Variants in OCA2 observed in about 807,000 individuals in gnomAD.
OCA2 encodes the protein P protein.
OCA2 carries 77 observed loss-of-function variants against 100.2 expected under a neutral mutation model. That is an observed-to-expected ratio of 0.77 (90% CI 0.64 to 0.93). OCA2 has a LOEUF of 0.93. Ranked by LOEUF, OCA2 falls within the 40% of genes least tolerant of loss-of-function variation. The probability of loss-of-function intolerance (pLI) is 0.00; values close to 1 mark genes in which losing one functional copy is unlikely to be tolerated. For synonymous variants in OCA2, 432 were observed against 439.2 expected (o/e 0.98, Z 0.21); for missense variants, 1,062 against 1,089.1 (o/e 0.98, Z 0.35).
chr15:27,954,044 A>G (rs1567150190), intron 17 of OCA2, among the ~76,000 whole-genome samples: 1 of 151,756 alleles, frequency 6.6e-6, no homozygotes, highest in Non-Finnish European at 1.5e-5. Context: ...TTCACTGGTC[A>G]CCAAGTCCAT....
chr15:27,892,435 T>G (rs1369755457), intron 19 of OCA2, among the ~76,000 whole-genome samples: 1 of 152,130 alleles, frequency 6.6e-6, no homozygotes, highest in African/African-American at 2.4e-5. Flanking sequence ...TGCATGGAAA[T>G]TAACCAACAT....
chr15:27,877,451 T>C (rs946403138), intron 19 of OCA2, among the ~76,000 whole-genome samples: 1 of 151,972 alleles, frequency 6.6e-6, no homozygotes, highest in Non-Finnish European at 1.5e-5. Context: ...GATTGTGGAA[T>C]TGTCTATTTT....
chr15:27,981,580 G>C (rs1267898465), intron 14 of OCA2, among the ~76,000 whole-genome samples: 1 of 152,214 alleles, frequency 6.6e-6, no homozygotes, highest in Non-Finnish European at 1.5e-5. Context: ...ACTGAGGCAA[G>C]ACACTTGTGA....
intron 9 of OCA2, among the ~76,000 whole-genome samples, chr15:28,013,672 G>A (rs915049624): frequency 1.3e-5 from 2 of 152,120 alleles, no homozygotes; most frequent in Admixed American, 6.5e-5. Flanking sequence ...ACCTGGGAGA[G>A]GAGACCTTTC....
chr15:27,968,229 C>A (rs1041359939), intron 14 of OCA2, among the ~76,000 whole-genome samples: 3 of 152,212 alleles, frequency 2.0e-5, no homozygotes, highest in Non-Finnish European at 2.9e-5. Context: ...ACAGATGAGG[C>A]TCTTATCCCC....
intron 2 of OCA2, among the ~76,000 whole-genome samples, chr15:28,070,330 G>A (rs1367206310): frequency 1.2e-4 from 16 of 130,020 alleles, no homozygotes; most frequent in African/African-American, 2.8e-4. Context: ...TCAGCCCCCC[G>A]CCCGGCCAGC....
At chr15:27,890,437 C>T (rs1000466957) in intron 19 of OCA2, among the ~76,000 whole-genome samples, 3 of 152,112 alleles carry the variant, frequency 2.0e-5, no homozygotes, top group Non-Finnish European at 4.4e-5. Context: ...AGACTAAAGA[C>T]AAAGAAAAAC....
At chr15:27,987,018 G>A (rs2041378672) in intron 11 of OCA2, among the ~76,000 whole-genome samples, 1 of 152,210 alleles carries the variant, frequency 6.6e-6, no homozygotes, top group African/African-American at 2.4e-5. Flanking sequence ...AAGCCGGGCG[G>A]GAGCCAGCAT....
chr15:28,001,402 A>G (rs1269771200), intron 9 of OCA2, among the ~76,000 whole-genome samples: 1 of 152,146 alleles, frequency 6.6e-6, no homozygotes, highest in African/African-American at 2.4e-5. Context: ...ATACTGCATG[A>G]TCCCACTTAT....
chr15:27,968,401 C>T (rs928521168), intron 14 of OCA2, among the ~76,000 whole-genome samples: 4 of 152,104 alleles, frequency 2.6e-5, no homozygotes, highest in African/African-American at 9.7e-5. Context: ...GCCTTGGGAC[C>T]CTTAGGAACC....
intron 14 of OCA2, among the ~76,000 whole-genome samples, chr15:27,974,368 G>T (rs142525821): frequency 3.8e-4 from 58 of 152,272 alleles, no homozygotes; most frequent in African/African-American, 1.3e-3. Context: ...TGATAATGAG[G>T]CTTTATAAAT....
chr15:27,778,161 A>G (rs578261847), intron 23 of OCA2, among the ~76,000 whole-genome samples: 17 of 152,340 alleles, frequency 1.1e-4, no homozygotes, highest in African/African-American at 4.1e-4. Flanking sequence ...GGCACTGGGG[A>G]CATAATTCCA....
At chr15:27,960,590 C>CTCTATCTA (rs10651380) in intron 15 of OCA2, among the ~76,000 whole-genome samples, 6,449 of 151,814 alleles carry the variant, frequency 0.042, 454 homozygotes, top group African/African-American at 0.15. Context: ...ACACCATTTG[C>CTCTATCTA]TCTATCTATC....
rs772690625 is a variant in OCA2, at chr15:28,004,553, C to T, written c.1044+10223G>A. Among the ~76,000 whole-genome samples the T allele has an allele frequency of 2.0e-5, 3 of 151,962 alleles. No individual in the cohort carries two copies. In the East Asian group the frequency reaches 5.8e-4, roughly 29 times the overall value. On this transcript the variant is annotated intron_variant, in intron 9 of 23. Coordinates refer to ENST00000354638, the MANE Select transcript of OCA2 (RefSeq NM_000275.3). ...TCTCACACTCACCCTCCCTCACATG[C>T]CCACACACTAACACAGTCTCACACT... is the stretch of plus-strand genomic sequence containing the variant.
At chr15:27,869,444 C>G (rs113073335) in intron 21 of OCA2, among the ~76,000 whole-genome samples, 2,403 of 152,334 alleles carry the variant, frequency 0.016, 56 homozygotes, top group African/African-American at 0.051. Flanking sequence ...TTCTCACTTT[C>G]TGTGGTGAAC....
intron 23 of OCA2, among the ~76,000 whole-genome samples, chr15:27,837,719 G>A (rs747614760): frequency 3.9e-5 from 6 of 151,974 alleles, no homozygotes; most frequent in Admixed American, 6.5e-5. Flanking sequence ...GGCTCCAGGT[G>A]ACAGGCAGGC....
Position 27,957,075 on chromosome 15 carries a change from T to C in OCA2, c.1784+513A>G, listed in dbSNP as rs1595715747. Reference sequence around the variant, plus strand: ...CTGCTTGGAACTCAGCAACATGTCATAGCAAGGAGAAAAACCACCAATTCA... The same window carrying C: ...CTGCTTGGAACTCAGCAACATGTCACAGCAAGGAGAAAAACCACCAATTCA... On this transcript the variant is annotated intron_variant, in intron 16 of 23. Coordinates refer to ENST00000354638, the MANE Select transcript of OCA2 (RefSeq NM_000275.3). The surrounding 1 kb of genome is among the most constrained non-coding windows in gnomAD (Gnocchi z 4.3). Among the ~76,000 whole-genome samples, 3 of 152,192 alleles carry C rather than the reference T, an allele frequency of 2.0e-5. No homozygotes were observed.
At chr15:27,987,013 G>A (rs778887328) in intron 11 of OCA2, among the ~76,000 whole-genome samples, 7 of 152,188 alleles carry the variant, frequency 4.6e-5, no homozygotes, top group African/African-American at 9.7e-5. Context: ...TCTAGAAGCC[G>A]GGCGGGAGCC....
intron 17 of OCA2, among the ~76,000 whole-genome samples, chr15:27,953,552 C>A (rs2040108432): frequency 6.6e-6 from 1 of 152,202 alleles, no homozygotes; most frequent in Admixed American, 6.5e-5. Flanking sequence ...AGGGGAGGCA[C>A]TGCAAACCTT....
Sources: allele counts gnomAD v4.1 joint callset (sites outside exome capture counted in the v4.1 genomes callset), GRCh38; gene constraint gnomAD v4.1.1; non-coding constraint Gnocchi (gnomAD v3.1); transcripts MANE v1.5; gene names NCBI Gene and HGNC (gene_info 2026-07-23, HGNC 2026-07-21).